Variants in PCDHA2 observed in about 807,000 individuals in gnomAD.
PCDHA2 encodes protocadherin alpha 2, also known as protocadherin alpha-2.
In PCDHA2, 58 loss-of-function variants were observed where a neutral mutation model predicts 66.0. That is an observed-to-expected ratio of 0.88 (90% CI 0.71 to 1.09). PCDHA2 has a LOEUF of 1.09. Ranked by LOEUF, PCDHA2 falls within the 50% of genes least tolerant of loss-of-function variation. The pLI is 0.00. For synonymous variants in PCDHA2, 634 were observed against 554.0 expected (o/e 1.14, Z -2.03); for missense variants, 1,267 against 1,242.3 (o/e 1.02, Z -0.30).
intron 1 of PCDHA2, chr5:140,868,884 T>C: frequency 1.4e-6 from 1 of 728,466 alleles, no homozygotes; most frequent in East Asian, 2.8e-5. Flanking sequence ...ACTCACAGTT[T>C]TAGGCGCAAG....
chr5:140,861,341 A>C (rs1554154533), intron 1 of PCDHA2: 1 of 280,406 alleles, frequency 3.6e-6, no homozygotes, highest in African/African-American at 2.2e-5. Context: ...GGAAGAGGCC[A>C]AGGACGGCAC....
At chr5:140,957,799 TA>T (rs1430681763) in intron 1 of PCDHA2, among the ~76,000 whole-genome samples, 2 of 152,032 alleles carry the variant, frequency 1.3e-5, no homozygotes, top group African/African-American at 2.4e-5. Context: ...ATATGTTAAG[TA>T]AAAAAAAGTC....
Position 140,795,300 on chromosome 5 carries a change from G to A in PCDHA2, c.336G>A (p.Arg112=). 6.2e-7 allele frequency: 1 copy of A among 1,614,256 alleles called. No homozygotes were observed. The highest frequency in any genetic ancestry group is 8.5e-7 in the Non-Finnish European group (1 of 1,180,034). Residue 112 remains arginine, a synonymous_variant, in exon 1 of 4, where the codon AGG becomes AGA. Transcript: ENST00000526136. ...CSIHVEVIVD[R]PLQVFHVEVE... ...TCCACGTGGAGGTGATCGTGGACAGGCCGCTGCAGGTTTTCCATGTGGAAG... is the reference window on the plus strand; with the variant it reads ...TCCACGTGGAGGTGATCGTGGACAGACCGCTGCAGGTTTTCCATGTGGAAG...
Position 140,796,236 on chromosome 5 carries a change from G to T in PCDHA2, c.1272G>T (p.Val424=), listed in dbSNP as rs1554119774. The T allele has an allele frequency of 3.7e-6, 6 of 1,614,068 alleles. No individual in the cohort carries two copies. The highest frequency in any genetic ancestry group is 3.3e-5 in the Admixed American group (2 of 60,016). ...AGAGCGTGTCAGCCTATGAGCTGGT[G>T]GTGACCGCACGGGACGGGGGCTCGC... ...DRESVSAYEL[V]VTARDGGSPS... Residue 424 remains valine (V), a synonymous_variant, in exon 1 of 4, where the codon GTG becomes GTT. Coordinates refer to ENST00000526136, the MANE Select transcript of PCDHA2 (RefSeq NM_018905.3).
chr5:140,818,375 T>A (rs1766344454), intron 1 of PCDHA2, among the ~76,000 whole-genome samples: 1 of 152,254 alleles, frequency 6.6e-6, no homozygotes, highest in Non-Finnish European at 1.5e-5. Flanking sequence ...TTAACTTGAA[T>A]CGTGGCATTT....
intron 3 of PCDHA2, among the ~76,000 whole-genome samples, chr5:141,005,737 G>GATGAGAA (rs1365089563): frequency 2.8e-5 from 4 of 143,576 alleles, no homozygotes; most frequent in Non-Finnish European, 6.0e-5. Context: ...AAAAAGAATG[G>GATGAGAA]ATGAGAAATC....
Position 140,850,666 on chromosome 5 carries a change from C to A in PCDHA2, c.2388+53314C>A, listed in dbSNP as rs2150492830. 6.9e-6 allele frequency: 11 copies of A among 1,598,434 alleles called. 3 individuals carry two copies. Among genetic ancestry groups the A allele is most frequent in the Middle Eastern group, 1.7e-4 (1 of 5,998 alleles). ...CTGCTGTACACTGTGCTGCGGTGCT[C>A]GGCGATGCCCACCGAGGGCGAGTGC... On this transcript the variant is annotated intron_variant, in intron 1 of 3. Transcript: ENST00000526136.
chr5:140,837,926 ACCT>A (rs1775320032), intron 1 of PCDHA2, among the ~76,000 whole-genome samples: 1 of 151,498 alleles, frequency 6.6e-6, no homozygotes. Flanking sequence ...CGATCCTCCT[ACCT>A]TGGCCTCCCA....
In PCDHA2 at chr5:141,000,421, A is replaced by ATTTTT. The variant is rs34755515; in HGVS notation, c.2537-9187_2537-9183dup. Among the ~76,000 whole-genome samples, 110 of 27,976 alleles carry ATTTTT rather than the reference A, an allele frequency of 3.9e-3. 3 individuals carry two copies. Among genetic ancestry groups the ATTTTT allele is most frequent in the Non-Finnish European group, 5.0e-3 (89 of 17,656 alleles). The allele number at this position is 27,976 out of a possible 152,430, so 18.4% of individuals were successfully genotyped here. ...TATATATATATATATATATATATATATTTTTTTTTTTTTTTTTTTTTTTGA... is the reference window on the plus strand; with the variant it reads ...TATATATATATATATATATATATATATTTTTTTTTTTTTTTTTTTTTTTTTTTTGA... On this transcript the variant is annotated intron_variant, in intron 3 of 3. Coordinates refer to ENST00000526136, the MANE Select transcript of PCDHA2 (RefSeq NM_018905.3).
intron 1 of PCDHA2, chr5:140,841,230 G>A: frequency 2.1e-6 from 3 of 1,461,326 alleles, no homozygotes; most frequent in Non-Finnish European, 2.8e-6. Context: ...AACAACGGGA[G>A]ATGCAGCGGA....
At chr5:140,913,203 G>A (rs2076251339) in intron 1 of PCDHA2, among the ~76,000 whole-genome samples, 1 of 152,182 alleles carries the variant, frequency 6.6e-6, no homozygotes, top group African/African-American at 2.4e-5. Flanking sequence ...TGGCAGTGAA[G>A]CCAATGGGTC....
chr5:140,857,657 C>A (rs1207727837), intron 1 of PCDHA2: 1 of 1,596,626 alleles, frequency 6.3e-7, no homozygotes. Flanking sequence ...GGTGAGCGCG[C>A]GCGATGGGGG....
intron 1 of PCDHA2, chr5:140,807,517 AG>A (rs1763954942): frequency 4.3e-6 from 7 of 1,613,132 alleles, no homozygotes; most frequent in East Asian, 4.5e-5. Flanking sequence ...AGGTGATCGT[AG>A]ACAGGCCGCT....
rs2150532197 is a variant in PCDHA2, at chr5:140,853,456, T to A, written c.2388+56104T>A. 114 of 975,538 alleles carry A rather than the reference T, an allele frequency of 1.2e-4. 11 individuals are homozygous for A. The Admixed American group carries it at 6.5e-3, about 55-fold the overall frequency. The allele number at this position is 975,538 out of a possible 1,614,324, so 60.4% of individuals were successfully genotyped here. A position where few individuals can be genotyped will look rare whatever the true frequency, so the allele number is the denominator to read the frequency against. ...TCCTATTTTGCCTAATAGGTCTCCT[T>A]ATATGCATCTGTAGTTAACATTCCT... On this transcript the variant is annotated intron_variant, in intron 1 of 3. Transcript: ENST00000526136.
At chr5:140,801,076 C>T in intron 1 of PCDHA2, 1 of 1,475,572 alleles carries the variant, frequency 6.8e-7, no homozygotes, top group Non-Finnish European at 8.9e-7. Flanking sequence ...TCAGATACTG[C>T]TTTGCTTCAT....
At chr5:141,001,959 C>T (rs755695273) in intron 3 of PCDHA2, among the ~76,000 whole-genome samples, 8 of 152,098 alleles carry the variant, frequency 5.3e-5, no homozygotes, top group Admixed American at 3.9e-4. Context: ...GAGGGAGAGG[C>T]GGGGTGTCTC....
intron 1 of PCDHA2, among the ~76,000 whole-genome samples, chr5:140,923,810 T>C (rs1433569913): frequency 6.6e-6 from 1 of 152,202 alleles, no homozygotes; most frequent in Non-Finnish European, 1.5e-5. Flanking sequence ...TGAAATCTTC[T>C]GAAAATAGAC....
intron 1 of PCDHA2, chr5:140,834,591 T>C: frequency 1.2e-6 from 2 of 1,614,048 alleles, no homozygotes; most frequent in Non-Finnish European, 1.7e-6. Flanking sequence ...GGTGTGCAAA[T>C]TCCGTGGGGA....
intron 1 of PCDHA2, among the ~76,000 whole-genome samples, chr5:140,960,361 T>C (rs1262686301): frequency 2.6e-5 from 4 of 152,194 alleles, no homozygotes; most frequent in Non-Finnish European, 4.4e-5. Context: ...TGAAATAATA[T>C]GCCAACTCTT....
Sources: gnomAD v4.1 joint callset for allele counts (sites outside exome capture counted in the v4.1 genomes callset) on GRCh38, gnomAD v4.1.1 for gene constraint, MANE v1.5 for transcripts, NCBI Gene and HGNC (gene_info 2026-07-23, HGNC 2026-07-21) for gene names.